Variants in OTUD7A observed in about 807,000 individuals in gnomAD.
OTUD7A encodes OTU domain-containing protein 7A.
In OTUD7A, 12 loss-of-function variants were observed where a neutral mutation model predicts 65.7. That is an observed-to-expected ratio of 0.18 (90% confidence interval 0.12 to 0.30). The LOEUF is 0.30. OTUD7A is among the 10% of genes least tolerant of loss of function. The pLI, the probability that OTUD7A is intolerant of heterozygous loss-of-function variation, is 1.00. For synonymous variants in OTUD7A, 641 were observed against 586.3 expected (o/e 1.09, Z -1.35); for missense variants, 1,148 against 1,304.8 (o/e 0.88, Z 1.85).
chr15:31,561,454 C>T (rs1479218939), intron 4 of OTUD7A, among the ~76,000 whole-genome samples: 3 of 152,162 alleles, frequency 2.0e-5, no homozygotes, highest in South Asian at 2.1e-4. Context: ...CACCTGCAAT[C>T]GGTGGGACAG....
chr15:31,757,735 A>G (rs547627116), intron 1 of OTUD7A, among the ~76,000 whole-genome samples: 1 of 152,338 alleles, frequency 6.6e-6, no homozygotes, highest in South Asian at 2.1e-4. Flanking sequence ...GGTCACTTTC[A>G]TCTGGACAAA....
At chr15:31,673,290 C>A (rs1489006784) in intron 1 of OTUD7A, among the ~76,000 whole-genome samples, 1 of 152,152 alleles carries the variant, frequency 6.6e-6, no homozygotes, top group African/African-American at 2.4e-5. Flanking sequence ...CCTAAAGTAT[C>A]CACAAGGAAT....
At chr15:31,631,704 T>G (rs1284583383) in intron 3 of OTUD7A, among the ~76,000 whole-genome samples, 3 of 151,402 alleles carry the variant, frequency 2.0e-5, no homozygotes, top group Non-Finnish European at 4.4e-5. Context: ...GGTTCCATTC[T>G]CCCCATCACT....
At chr15:31,503,577 G>T in intron 9 of OTUD7A, 114 bp downstream of exon 9, 1 of 1,378,150 alleles carries the variant, frequency 7.3e-7, no homozygotes. Flanking sequence ...TCTTTGCACA[G>T]AGTGATGCTT....
At chr15:31,609,229 T>C (rs559707992) in intron 3 of OTUD7A, among the ~76,000 whole-genome samples, 60 of 152,268 alleles carry the variant, frequency 3.9e-4, no homozygotes, top group African/African-American at 1.4e-3. Context: ...TGGCCAGAAC[T>C]CAGGGGAAGG....
At chr15:31,590,504 T>G (rs777349222) in intron 3 of OTUD7A, among the ~76,000 whole-genome samples, 1 of 152,194 alleles carries the variant, frequency 6.6e-6, no homozygotes, top group Non-Finnish European at 1.5e-5. Flanking sequence ...ATTCATCACG[T>G]GATGGAAATA....
At chr15:31,587,191 C>A (rs2141192179) in intron 3 of OTUD7A, among the ~76,000 whole-genome samples, 1 of 152,272 alleles carries the variant, frequency 6.6e-6, no homozygotes, top group Non-Finnish European at 1.5e-5. Flanking sequence ...CATTCTTGAT[C>A]TAATCATAAT....
At position 31,483,930 on chromosome 15, in the gene OTUD7A, C is replaced by T; in HGVS notation, c.2166G>A (p.Thr722=). 3.7e-6 allele frequency: 4 copies of T among 1,093,714 alleles called. No homozygotes were observed. Among genetic ancestry groups the T allele is most frequent in the Non-Finnish European group, 4.5e-6 (4 of 892,470 alleles). 67.8% of individuals were successfully genotyped at this position (1,093,714 alleles called of 1,614,324 possible). The change falls in exon 13 of 13, where the codon ACG becomes ACA. Residue 722 remains threonine, a synonymous_variant. Coordinates refer to ENST00000307050, the MANE Select transcript of OTUD7A (RefSeq NM_001382637.1). ...GCTCCTTGAGCTTGAGCACCAGCTG[C>T]GTGGGTGGGCCCGGAGAGGCGCGCT... ...VPERASPGPP[T]QLVLKLKERP...
chr15:31,664,304 A>C (rs1267714442), intron 1 of OTUD7A, among the ~76,000 whole-genome samples: 2 of 107,888 alleles, frequency 1.9e-5, no homozygotes, highest in African/African-American at 5.8e-5. Flanking sequence ...TTCCCTGTTC[A>C]CCACATCCAT....
At chr15:31,623,226 G>A (rs943912504) in intron 3 of OTUD7A, among the ~76,000 whole-genome samples, 6 of 152,230 alleles carry the variant, frequency 3.9e-5, no homozygotes, top group African/African-American at 7.2e-5. Context: ...ACCCACTTGA[G>A]AAAGCAGTCT....
intron 1 of OTUD7A, among the ~76,000 whole-genome samples, chr15:31,710,087 C>A (rs1324311001): frequency 2.0e-5 from 3 of 152,070 alleles, no homozygotes; most frequent in Non-Finnish European, 4.4e-5. Context: ...CTGGTCACCA[C>A]GAGTGTGCAC....
At chr15:31,804,570 T>C (rs1400122795) in intron 1 of OTUD7A, among the ~76,000 whole-genome samples, 2 of 152,174 alleles carry the variant, frequency 1.3e-5, no homozygotes, top group African/African-American at 4.8e-5. Flanking sequence ...GCCCCTCGAC[T>C]TCACAAGTCT....
In OTUD7A at chr15:31,570,189, A is replaced by G; in HGVS notation, c.160T>C (p.Trp54Arg). ...LARDLLEGKN[W>R]DLTAALSDYE... Reference sequence around the variant, plus strand: ...TCGCTCAGAGCGGCTGTCAGGTCCCAGTTTTTGCCTGTGGACAAGAAATGA... The same window carrying G: ...TCGCTCAGAGCGGCTGTCAGGTCCCGGTTTTTGCCTGTGGACAAGAAATGA... Residue 54 changes from tryptophan (W) to arginine (R), a missense_variant, in exon 4 of 13, where the codon TGG becomes CGG. By Grantham distance (101) the Trp-to-Arg change is moderately radical. This residue lies in a region of OTUD7A where 38 missense variants were observed against 85.7 expected (regional missense o/e 0.44). Coordinates refer to ENST00000307050, the MANE Select transcript of OTUD7A (RefSeq NM_001382637.1). 6.2e-7 allele frequency: 1 copy of G among 1,614,008 alleles called. No individual in the cohort carries two copies. The highest frequency in any genetic ancestry group is 8.5e-7 in the Non-Finnish European group (1 of 1,179,872).
chr15:31,626,944 T>C lies in OTUD7A; in HGVS notation c.151+28152A>G, dbSNP rs574846210. 2.9e-3 allele frequency among the ~76,000 whole-genome samples: 392 copies of C among 136,692 alleles called. 2 individuals carry two copies. Among genetic ancestry groups the C allele is most frequent in the South Asian group, 0.019 (88 of 4,546 alleles). The allele number at this position is 136,692 out of a possible 152,430, so 89.7% of individuals were successfully genotyped here. ...TCTTTTTTACACCTTAAAGATTACTTTATTGTTAAAAAAAAAAGTGCTAAC... is the reference window on the plus strand; with the variant it reads ...TCTTTTTTACACCTTAAAGATTACTCTATTGTTAAAAAAAAAAGTGCTAAC... On this transcript the variant is annotated intron_variant, in intron 3 of 12. Coordinates refer to ENST00000307050, the MANE Select transcript of OTUD7A (RefSeq NM_001382637.1).
rs1192867701 is a variant in OTUD7A at position 31,483,628 on chromosome 15, G to A, written c.2468C>T (p.Ala823Val). Residue 823 changes from alanine (A) to valine (V), a missense_variant, in exon 13 of 13, where the codon GCC becomes GTC. Transcript: ENST00000307050. ...SQSYSPARAAALRTVNTVESL... is the reference protein window; with the variant it reads ...SQSYSPARAAVLRTVNTVESL... ...CTCGACCGTGTTGACGGTGCGCAGGGCGGCGGCGCGCGCCGGGCTGTAGCT... is the reference window on the plus strand; with the variant it reads ...CTCGACCGTGTTGACGGTGCGCAGGACGGCGGCGCGCGCCGGGCTGTAGCT... 134 of 1,182,550 alleles carry A rather than the reference G, an allele frequency of 1.1e-4. 1 individual carries two copies. The East Asian group carries it at 3.4e-3, about 30-fold the overall frequency. The allele number at this position is 1,182,550 out of a possible 1,614,324, so 73.3% of individuals were successfully genotyped here.
At chr15:31,515,667 A>G (rs530513771) in intron 8 of OTUD7A, among the ~76,000 whole-genome samples, 4 of 75,436 alleles carry the variant, frequency 5.3e-5, no homozygotes, top group East Asian at 6.5e-4. Context: ...CCATCCATCT[A>G]TTGATCCACC....
In OTUD7A at chr15:31,478,060, T is replaced by C. The variant is rs1264045551; in HGVS notation, c.*5234A>G. ...GTGCAAAGGCCCTGAGGCAGGAGGGTGCCTGTGACTAGAAACGGCAGGAAG... is the reference window on the plus strand; with the variant it reads ...GTGCAAAGGCCCTGAGGCAGGAGGGCGCCTGTGACTAGAAACGGCAGGAAG... On this transcript the variant is annotated 3_prime_UTR_variant, in exon 13 of 13. Transcript: ENST00000307050. The C allele has an allele frequency of 6.6e-6, 1 of 152,064 alleles. No individual in the cohort carries two copies. 9.4% of individuals were successfully genotyped at this position (152,064 alleles called of 1,614,324 possible).
intron 1 of OTUD7A, among the ~76,000 whole-genome samples, chr15:31,761,805 C>T (rs1327617929): frequency 6.6e-6 from 1 of 152,126 alleles, no homozygotes; most frequent in Non-Finnish European, 1.5e-5. Flanking sequence ...TATATCCATA[C>T]AATTGAATAT....
chr15:31,640,138 G>A (rs1230914931), intron 3 of OTUD7A, among the ~76,000 whole-genome samples: 1 of 152,166 alleles, frequency 6.6e-6, no homozygotes, highest in Non-Finnish European at 1.5e-5. Context: ...CGACCTGGAT[G>A]AGACTGGAGA....
Sources: allele counts gnomAD v4.1 joint callset (sites outside exome capture counted in the v4.1 genomes callset), GRCh38; gene constraint gnomAD v4.1.1; regional missense constraint gnomAD v4.1.1; transcripts MANE v1.5; gene names NCBI Gene and HGNC (gene_info 2026-07-23, HGNC 2026-07-21).